The following ITFG2 variants were observed in gnomAD, a reference collection of about 807,000 sequenced individuals.
ITFG2 encodes the protein integrin alpha FG-GAP repeat containing 2.
A neutral mutation model predicts 54.4 loss-of-function variants in ITFG2; 36 were observed. The ratio of observed to expected loss-of-function variants is 0.66; its 90% CI spans 0.51 to 0.87. The LOEUF (loss-of-function observed/expected upper bound fraction) is 0.87. Ranked by LOEUF, ITFG2 falls within the 40% of genes least tolerant of loss-of-function variation. The pLI is 0.00. For synonymous variants in ITFG2, 211 were observed against 225.4 expected (o/e 0.94, Z 0.57); for missense variants, 524 against 576.7 (o/e 0.91, Z 0.94).
intron 2 of ITFG2, chr12:2,856,828 G>A: frequency 1.5e-6 from 1 of 653,180 alleles, no homozygotes; most frequent in Admixed American, 2.3e-5. Flanking sequence ...ATGAAAAGGG[G>A]AAGACAGCAG....
chr12:2,839,227 G>A (rs574897203), intron 1 of ITFG2, among the ~76,000 whole-genome samples: 313 of 152,252 alleles, frequency 2.1e-3, no homozygotes, highest in Non-Finnish European at 3.8e-3. Context: ...AAAGGCAGAG[G>A]TTACAGTGAG....
intron 2 of ITFG2, chr12:2,855,222 G>A (rs780179027): frequency 1.3e-5 from 20 of 1,505,690 alleles, no homozygotes; most frequent in African/African-American, 2.8e-5. Flanking sequence ...GGCACACATC[G>A]AGCCACGTGT....
In ITFG2 at chr12:2,824,361, C is replaced by T. The variant is rs1314286969; in HGVS notation, c.*168C>T. On this transcript the variant is annotated 3_prime_UTR_variant, in exon 12 of 12. Transcript: ENST00000228799. The stretch of plus-strand genomic sequence containing the variant: ...TAGGGTGACCGTGAACTATAGACCT[C>T]GCAGTCTTTTCGGTGAAAGAAGAGA... 8.1e-6 allele frequency: 6 copies of T among 742,746 alleles called. No individual in the cohort carries two copies. Among genetic ancestry groups the T allele is most frequent in the African/African-American group, 5.2e-5 (3 of 57,832 alleles). The allele number at this position is 742,746 out of a possible 1,614,324, so 46.0% of individuals were successfully genotyped here.
At chr12:2,832,900 C>A (rs1308491456), upstream of ITFG2, among the ~76,000 whole-genome samples, 1 of 151,566 alleles carries the variant, frequency 6.6e-6, no homozygotes, top group Non-Finnish European at 1.5e-5. Flanking sequence ...GCAAGGCTGC[C>A]AGCAGTAGAC....
intron 2 of ITFG2, chr12:2,855,272 G>A (rs1333740171): frequency 4.0e-6 from 6 of 1,516,072 alleles, no homozygotes; most frequent in African/African-American, 1.4e-5. Flanking sequence ...TTCCAAGGGT[G>A]GATGAGCCGC....
In ITFG2 at chr12:2,845,503, G is replaced by A. The variant is rs11062382; in HGVS notation, n.300+4508G>A. Among the ~76,000 whole-genome samples the A allele has an allele frequency of 0.16, 24,443 of 152,074 alleles. 2,110 individuals carry two copies. The highest frequency in any genetic ancestry group is 0.34 in the South Asian group (1,624 of 4,814). On this transcript the variant is annotated intron_variant and non_coding_transcript_variant, in intron 2 of 3. Transcript: ENST00000537710. The surrounding 1 kb of genome is among the most constrained non-coding windows in gnomAD (Gnocchi z 4.2). Reference sequence around the variant, plus strand: ...GCTCAGGTCATGACACCAAGATCAGGCTTGGAAAGGGGGAGGTGGAGGGAG... The same window carrying A: ...GCTCAGGTCATGACACCAAGATCAGACTTGGAAAGGGGGAGGTGGAGGGAG...
chr12:2,813,167 G>C (rs1341140873), intron 1 of ITFG2, among the ~76,000 whole-genome samples: 1 of 152,210 alleles, frequency 6.6e-6, no homozygotes, highest in Non-Finnish European at 1.5e-5. Flanking sequence ...CTCCCAAGGG[G>C]CTGGGATTAC....
At chr12:2,837,158 G>A (rs1236849319) in intron 1 of ITFG2, among the ~76,000 whole-genome samples, 4 of 151,914 alleles carry the variant, frequency 2.6e-5, no homozygotes, top group South Asian at 4.2e-4. Context: ...ATGGTGAAAC[G>A]CTGTCTCCAC....
upstream of ITFG2, among the ~76,000 whole-genome samples, chr12:2,833,508 C>T (rs1003729132): frequency 6.6e-6 from 1 of 152,002 alleles, no homozygotes; most frequent in Non-Finnish European, 1.5e-5. Flanking sequence ...AGGCGAGGTG[C>T]TGCACTGGCC....
chr12:2,849,934 A>G (rs1265839796), intron 2 of ITFG2, among the ~76,000 whole-genome samples: 2 of 152,228 alleles, frequency 1.3e-5, no homozygotes, highest in Admixed American at 6.5e-5. Flanking sequence ...ATTGGGTCGA[A>G]CAGTAGGAAA....
chr12:2,852,298 C>G (rs988473001), intron 2 of ITFG2, among the ~76,000 whole-genome samples: 6 of 152,142 alleles, frequency 3.9e-5, no homozygotes, highest in Non-Finnish European at 7.3e-5. Context: ...TCTATTGAGC[C>G]CCTTCTGTAT....
chr12:2,812,865 A>G lies in ITFG2; in HGVS notation c.96+9A>G. 1 of 1,600,460 alleles carries G rather than the reference A, an allele frequency of 6.2e-7. No homozygotes were observed. The highest frequency in any genetic ancestry group is 8.5e-7 in the Non-Finnish European group (1 of 1,169,822). On this transcript the variant is annotated intron_variant, in intron 1 of 11. Transcript: ENST00000228799. ...ACGTTGATAACGATACGGTAGGTGC[A>G]TGCGCACCGCAAGAGACAGCCTGGA...
intron 3 of ITFG2, chr12:2,858,398 TTTG>T: frequency 2.0e-6 from 1 of 498,690 alleles, no homozygotes. Flanking sequence ...CACCATTGCC[TTTG>T]TTGTTCCCAC....
intron 2 of ITFG2, chr12:2,817,582 G>A (rs2097925740): frequency 1.9e-6 from 1 of 517,110 alleles, no homozygotes; most frequent in South Asian, 3.2e-5. Context: ...GCCTAAGGTT[G>A]TCTAATCTTA....
intron 4 of ITFG2, among the ~76,000 whole-genome samples, chr12:2,818,960 G>C (rs954730208): frequency 2.0e-5 from 3 of 151,912 alleles, no homozygotes; most frequent in African/African-American, 4.8e-5. Context: ...GGATGTTGCA[G>C]TGACCCAGGA....
intron 2 of ITFG2, chr12:2,857,230 G>A: frequency 1.7e-6 from 1 of 589,162 alleles, no homozygotes; most frequent in South Asian, 2.0e-5. Flanking sequence ...CTTTCTTCAA[G>A]TTCTGACTGC....
At chr12:2,844,408 G>A (rs1211060051) in intron 2 of ITFG2, among the ~76,000 whole-genome samples, 1 of 152,074 alleles carries the variant, frequency 6.6e-6, no homozygotes, top group Admixed American at 6.6e-5. Flanking sequence ...ACAAAAATTA[G>A]CTGAGCATAG....
chr12:2,812,904 G>A (rs750595473), intron 1 of ITFG2, 48 bp downstream of exon 1: 8 of 1,515,360 alleles, frequency 5.3e-6, no homozygotes, highest in African/African-American at 4.1e-5. Flanking sequence ...GTGCAGGGAC[G>A]GGGCAAGGGA....
At chr12:2,816,662 A>C in intron 1 of ITFG2, among the ~76,000 whole-genome samples, 1 of 124,582 alleles carries the variant, frequency 8.0e-6, no homozygotes, top group African/African-American at 3.2e-5. Context: ...TTTGAGAGAC[A>C]GGGTCTCACT....
Sources: allele counts gnomAD v4.1 joint callset (sites outside exome capture counted in the v4.1 genomes callset), GRCh38; gene constraint gnomAD v4.1.1; non-coding constraint Gnocchi (gnomAD v3.1); transcripts MANE v1.5; gene names NCBI Gene and HGNC (gene_info 2026-07-23, HGNC 2026-07-21).